Variants in ITGA9 observed in about 807,000 individuals in gnomAD.
ITGA9 encodes integrin subunit alpha 9.
In ITGA9, 56 loss-of-function variants were observed where a neutral mutation model predicts 127.8. That is an observed-to-expected ratio of 0.44 (90% CI 0.35 to 0.55). The LOEUF (loss-of-function observed/expected upper bound fraction) is 0.55, where lower values mean the gene tolerates loss of function less well. Among genes scored for constraint, ITGA9 ranks in the 20% least tolerant of loss-of-function variants. The probability of loss-of-function intolerance (pLI) is 0.00; values close to 1 mark genes in which losing one functional copy is unlikely to be tolerated. For missense variants in ITGA9, 1,196 were observed against 1,347.1 expected (o/e 0.89, Z 1.76); for synonymous variants, 508 against 514.5 (o/e 0.99, Z 0.17).
intron 20 of ITGA9, among the ~76,000 whole-genome samples, chr3:37,738,414 A>G (rs1696392263): frequency 6.6e-6 from 1 of 152,312 alleles, no homozygotes; most frequent in East Asian, 1.9e-4. Context: ...GCACCTTCTC[A>G]GAAGAAGGAT....
chr3:37,452,625 C>A lies in ITGA9; in HGVS notation c.185+66C>A. The A allele has an allele frequency of 3.8e-6, 5 of 1,318,602 alleles. No individual in the cohort carries two copies. Among genetic ancestry groups the A allele is most frequent in the Admixed American group, 3.4e-5 (1 of 29,642 alleles). 81.7% of individuals were successfully genotyped at this position (1,318,602 alleles called of 1,614,324 possible). A position where few individuals can be genotyped will look rare whatever the true frequency, so the allele number is the denominator to read the frequency against. ...CACCGCCCCGGCCCCCAGGCCAGCG[C>A]CGCCGCCGCCTTTCCGGTCTCTTCC... On this transcript the variant is annotated intron_variant, in intron 1 of 27. Coordinates refer to ENST00000264741, the MANE Select transcript of ITGA9 (RefSeq NM_002207.3). This position sits in a 1 kb window ranked among gnomAD's most constrained non-coding sequence, Gnocchi z 7.3.
Position 37,736,926 on chromosome 3 carries a change from A to G in ITGA9, c.2177A>G (p.Asp726Gly), listed in dbSNP as rs1406077085. Residue 726 changes from aspartate (D) to glycine (G), a missense_variant, in exon 20 of 28, where the codon GAT (aspartate) becomes GGT (glycine). Physicochemically the swap from Asp to Gly is moderately conservative, Grantham distance 94. Coordinates refer to ENST00000264741, the MANE Select transcript of ITGA9 (RefSeq NM_002207.3). ...KSKYEFSVIF[D>G]TSHLSGEEEV... is the part of the protein sequence containing the mutation. ...TAGTATGAATTCAGCGTGATCTTTG[A>G]TACAAGCCACCTGTCTGGGGAAGAG... 26 of 1,613,380 alleles carry G rather than the reference A, an allele frequency of 1.6e-5. No individual in the cohort carries two copies. The highest frequency in any genetic ancestry group is 2.2e-5 in the Non-Finnish European group (26 of 1,179,408).
chr3:37,619,699 G>A (rs978067620), intron 15 of ITGA9, among the ~76,000 whole-genome samples: 12 of 152,172 alleles, frequency 7.9e-5, no homozygotes, highest in South Asian at 4.1e-4. Context: ...CCTGCTTAGC[G>A]TTTCACAAGG....
chr3:37,585,102 C>T (rs987820369), intron 15 of ITGA9, among the ~76,000 whole-genome samples: 1 of 152,140 alleles, frequency 6.6e-6, no homozygotes, highest in African/African-American at 2.4e-5. Context: ...AGTGACCACT[C>T]CCCACCTTGC....
At position 37,518,771 on chromosome 3, in the gene ITGA9, C is replaced by CTTTT. The variant is rs543297344; in HGVS notation, c.1142-461_1142-458dup. Among the ~76,000 whole-genome samples, 111 of 43,510 alleles carry CTTTT rather than the reference C, an allele frequency of 2.6e-3. 29 individuals carry two copies. Among genetic ancestry groups the CTTTT allele is most frequent in the African/African-American group, 6.3e-3 (67 of 10,718 alleles). 28.5% of individuals were successfully genotyped at this position (43,510 alleles called of 152,430 possible). A position where few individuals can be genotyped will look rare whatever the true frequency, so the allele number is the denominator to read the frequency against. ...GTCAGCTTCTATAGTTTTCACTGTA[C>CTTTT]TTTTTTTTTTTTTTTTTTTTTTTTT... On this transcript the variant is annotated intron_variant, in intron 10 of 27. Coordinates refer to ENST00000264741, the MANE Select transcript of ITGA9 (RefSeq NM_002207.3).
intron 9 of ITGA9, among the ~76,000 whole-genome samples, chr3:37,515,089 A>G (rs1698970547): frequency 6.6e-6 from 1 of 152,204 alleles, no homozygotes; most frequent in Non-Finnish European, 1.5e-5. Flanking sequence ...ACATGGTTCA[A>G]TGAAAACATT....
At chr3:37,601,949 G>A (rs1445128612) in intron 15 of ITGA9, among the ~76,000 whole-genome samples, 1 of 152,144 alleles carries the variant, frequency 6.6e-6, no homozygotes, top group Admixed American at 6.5e-5. Context: ...CCATCGTGTG[G>A]AGATCACATG....
chr3:37,551,254 C>T (rs1559534523), intron 15 of ITGA9, among the ~76,000 whole-genome samples: 2 of 152,046 alleles, frequency 1.3e-5, no homozygotes, highest in East Asian at 1.9e-4. Flanking sequence ...ACCCTCATTC[C>T]GTGCACATTT....
chr3:37,654,695 AT>A (rs1461043033), intron 17 of ITGA9, among the ~76,000 whole-genome samples: 1 of 151,922 alleles, frequency 6.6e-6, no homozygotes, highest in Admixed American at 6.6e-5. Context: ...ACACTAGGAC[AT>A]TTTTTTTATT....
Position 37,736,970 on chromosome 3 carries a change from G to C in ITGA9, c.2221G>C (p.Val741Leu), listed in dbSNP as rs149554184. ...GGAAGAGGAAGTTCTCAGCTTCATTGTTACTGCTCAGAGGTAAGGGGGGGG... is the reference window on the plus strand; with the variant it reads ...GGAAGAGGAAGTTCTCAGCTTCATTCTTACTGCTCAGAGGTAAGGGGGGGG... ...SGEEEVLSFI[V>L]TAQSGNTERS... Residue 741 changes from valine (V) to leucine (L), a missense_variant, in exon 20 of 28, where the codon GTT becomes CTT. Val to Leu is a conservative substitution (Grantham distance 32, BLOSUM62 1). Transcript: ENST00000264741. The C allele has an allele frequency of 6.2e-7, 1 of 1,610,184 alleles. No individual in the cohort carries two copies.
At chr3:37,755,674 A>G (rs1314006989) in intron 23 of ITGA9, among the ~76,000 whole-genome samples, 2 of 152,242 alleles carry the variant, frequency 1.3e-5, no homozygotes, top group Non-Finnish European at 1.5e-5. Context: ...CTGAGAATGT[A>G]TTGCAGAAGA....
At chr3:37,744,888 G>A (rs1482518609) in intron 22 of ITGA9, among the ~76,000 whole-genome samples, 1 of 152,248 alleles carries the variant, frequency 6.6e-6, no homozygotes, top group African/African-American at 2.4e-5. Context: ...CCAGAGCTGG[G>A]AGAAGCCGGG....
chr3:37,650,658 C>T (rs2125645978), intron 16 of ITGA9, among the ~76,000 whole-genome samples: 1 of 152,184 alleles, frequency 6.6e-6, no homozygotes, highest in South Asian at 2.1e-4. Flanking sequence ...TCTCAAACTC[C>T]TGACTTCAGG....
intron 19 of ITGA9, chr3:37,733,055 C>T (rs1696314133): frequency 4.1e-6 from 2 of 493,382 alleles, no homozygotes; most frequent in Non-Finnish European, 7.5e-6. Context: ...GGACACACCA[C>T]AGCCTCTGCA....
intron 13 of ITGA9, among the ~76,000 whole-genome samples, chr3:37,527,529 G>C (rs1699105019): frequency 6.6e-6 from 1 of 152,104 alleles, no homozygotes; most frequent in South Asian, 2.1e-4. Context: ...CTAAGATAAG[G>C]CCTCCCTGGT....
intron 5 of ITGA9, among the ~76,000 whole-genome samples, chr3:37,495,221 A>G (rs267519): frequency 0.74 from 112,938 of 152,062 alleles, 43,059 homozygotes; most frequent in African/African-American, 0.92. Context: ...CCAAAGTGCT[A>G]GGATTACAGG....
intron 14 of ITGA9, among the ~76,000 whole-genome samples, chr3:37,534,429 C>G (rs1699188749): frequency 6.6e-6 from 1 of 152,242 alleles, no homozygotes; most frequent in South Asian, 2.1e-4. Context: ...TTCATTTTCA[C>G]AAGAGCCCCA....
At chr3:37,729,148 G>T (rs908752063) in intron 18 of ITGA9, among the ~76,000 whole-genome samples, 7 of 152,098 alleles carry the variant, frequency 4.6e-5, no homozygotes, top group African/African-American at 1.7e-4. Flanking sequence ...GAGTGGTACT[G>T]CTTGCCAAAG....
At chr3:37,708,607 G>C (rs139296540) in intron 18 of ITGA9, among the ~76,000 whole-genome samples, 2 of 258 alleles carry the variant, frequency 7.8e-3, no homozygotes, top group Non-Finnish European at 0.019. Flanking sequence ...CTAGTTCAGC[G>C]CTATTAGCAT....
Sources: allele counts gnomAD v4.1 joint callset (sites outside exome capture counted in the v4.1 genomes callset), GRCh38; gene constraint gnomAD v4.1.1; non-coding constraint Gnocchi (gnomAD v3.1); transcripts MANE v1.5; gene names NCBI Gene and HGNC (gene_info 2026-07-23, HGNC 2026-07-21).